Variants in C10orf53 observed in about 807,000 individuals in gnomAD.
The protein encoded by C10orf53 is UPF0728 protein C10orf53.
In C10orf53, 8 loss-of-function variants were observed where a neutral mutation model predicts 9.4. The ratio of observed to expected loss-of-function variants is 0.85; its 90% CI spans 0.50 to 1.53. The LOEUF (loss-of-function observed/expected upper bound fraction) is 1.53, where lower values mean the gene tolerates loss of function less well. Among genes scored for constraint, C10orf53 ranks in the 40% most tolerant of loss-of-function variants. The probability of loss-of-function intolerance (pLI) is 0.00; values close to 1 mark genes in which losing one functional copy is unlikely to be tolerated. For missense variants in C10orf53, 117 were observed against 117.8 expected (o/e 0.99, Z 0.03); for synonymous variants, 48 against 46.0 (o/e 1.04, Z -0.18).
At chr10:49,681,135 A>G (rs1490821970) in intron 1 of C10orf53, among the ~76,000 whole-genome samples, 2 of 152,198 alleles carry the variant, frequency 1.3e-5, no homozygotes, top group Non-Finnish European at 2.9e-5. Context: ...ACCTAGCCCC[A>G]TCATAAGTCA....
rs529374499 is a variant in C10orf53 at position 49,708,141 on chromosome 10, A to G, written c.218-220A>G. Among the ~76,000 whole-genome samples, 5 of 152,246 alleles carry G rather than the reference A, an allele frequency of 3.3e-5. No homozygotes were observed. The South Asian group carries it at 8.3e-4, about 25-fold the overall frequency. ...TTTCTCCAGCCCTGATTTCTTTGTT[A>G]CATGCTAGATCCCAAATCTCAATGG... On this transcript the variant is annotated intron_variant, in intron 2 of 2. Transcript: ENST00000374112.
At position 49,693,854 on chromosome 10, in the gene C10orf53, G is replaced by T. The variant is rs199814330; in HGVS notation, c.178G>T (p.Glu60Ter). 2 of 1,614,244 alleles carry T rather than the reference G, an allele frequency of 1.2e-6. No individual in the cohort carries two copies. Among genetic ancestry groups the T allele is most frequent in the African/African-American group, 1.3e-5 (1 of 75,070 alleles). The change falls in exon 2 of 3, where the codon GAA becomes TAA. Residue 60 changes from glutamate to a stop codon, truncating the protein, a stop_gained. Transcript: ENST00000374111. LOFTEE classifies it high-confidence loss of function. ...TGTGGTGGAACTCATGGTGAATGAA[G>T]AAGTCATCTTCCACTGCAACATTAA... ...WNVVELMVNE[E>*]VIFHCNIKDL...
chr10:49,686,217 T>C (rs1237101478), intron 1 of C10orf53, among the ~76,000 whole-genome samples: 1 of 152,204 alleles, frequency 6.6e-6, no homozygotes, highest in Non-Finnish European at 1.5e-5. Context: ...ATTGTGAAGA[T>C]TTCATGGACA....
chr10:49,681,302 C>G (rs2132872958), intron 1 of C10orf53, among the ~76,000 whole-genome samples: 1 of 152,246 alleles, frequency 6.6e-6, no homozygotes, highest in South Asian at 2.1e-4. Context: ...GATGAGAGCC[C>G]AGGAATGACC....
Position 49,694,355 on chromosome 10 carries a change from G to A in C10orf53, c.218-183G>A, listed in dbSNP as rs73303363. ...CTGGCCTGGCAGGCTGGCACTGTGCGTGCCTCTCTGTGCTCAGAAGTTAAA... is the reference window on the plus strand; with the variant it reads ...CTGGCCTGGCAGGCTGGCACTGTGCATGCCTCTCTGTGCTCAGAAGTTAAA... On this transcript the variant is annotated intron_variant, in intron 2 of 2. Transcript: ENST00000374111. The A allele has an allele frequency of 7.7e-3, 6,261 of 818,144 alleles. 277 individuals are homozygous for A. In the African/African-American group the frequency reaches 0.097, roughly 13 times the overall value. The allele number at this position is 818,144 out of a possible 1,614,324, so 50.7% of individuals were successfully genotyped here.
At chr10:49,703,407 C>G (rs1840698646) in intron 2 of C10orf53, among the ~76,000 whole-genome samples, 2 of 152,188 alleles carry the variant, frequency 1.3e-5, no homozygotes, top group African/African-American at 2.4e-5. Context: ...TTCTCAGAAG[C>G]CTCACATGAG....
downstream of C10orf53, among the ~76,000 whole-genome samples, chr10:49,698,701 A>C (rs1840656578): frequency 2.0e-5 from 3 of 152,162 alleles, no homozygotes; most frequent in Admixed American, 2.0e-4. Context: ...GAATATTGAA[A>C]ATGCTGGTGG....
intron 1 of C10orf53, among the ~76,000 whole-genome samples, chr10:49,682,790 C>T (rs181316568): frequency 6.3e-4 from 96 of 151,732 alleles, no homozygotes; most frequent in South Asian, 1.0e-3. Context: ...AGTCCCCACC[C>T]GACCCAGAAG....
intron 2 of C10orf53, among the ~76,000 whole-genome samples, chr10:49,707,920 A>C (rs1178606589): frequency 6.6e-6 from 1 of 151,962 alleles, no homozygotes; most frequent in Non-Finnish European, 1.5e-5. Flanking sequence ...TAACTGTCTT[A>C]AAGTTTTTCT....
chr10:49,708,567 G>T, exon 3 of C10orf53: 1 of 1,614,180 alleles, frequency 6.2e-7, no homozygotes, highest in Non-Finnish European at 8.5e-7. Flanking sequence ...GCCAGGCCTG[G>T]ATCACATGCT....
At chr10:49,706,909 G>A (rs142252162) in intron 2 of C10orf53, among the ~76,000 whole-genome samples, 244 of 152,306 alleles carry the variant, frequency 1.6e-3, no homozygotes, top group African/African-American at 5.7e-3. Context: ...ATACTCATTT[G>A]CACAAGCAAA....
Position 49,702,817 on chromosome 10 carries a change from C to T in C10orf53, c.218-5544C>T, listed in dbSNP as rs145748063. On this transcript the variant is annotated intron_variant, in intron 2 of 2. Coordinates refer to the C10orf53 transcript ENST00000374112. The stretch of plus-strand genomic sequence containing the variant: ...TAATACAGAAGTCAAGAGTTGAGGC[C>T]GCTCCTCAGTCCCAGAGACCCTGAC... Among the ~76,000 whole-genome samples the T allele has an allele frequency of 2.0e-3, 298 of 152,234 alleles. 1 individual carries two copies. Among genetic ancestry groups the T allele is most frequent in the African/African-American group, 6.6e-3 (274 of 41,540 alleles).
chr10:49,697,420 C>T lies in C10orf53; in HGVS notation c.*2818C>T, dbSNP rs760201699. Among the ~76,000 whole-genome samples, 26 of 152,304 alleles carry T rather than the reference C, an allele frequency of 1.7e-4. No individual in the cohort carries two copies. Among genetic ancestry groups the T allele is most frequent in the Non-Finnish European group, 3.2e-4 (22 of 68,038 alleles). On this transcript the variant is annotated 3_prime_UTR_variant, in exon 3 of 3. Coordinates refer to ENST00000374111, the MANE Select transcript of C10orf53 (RefSeq NM_001042427.3). ...CCTGTGCTTCAACGTGCTAGACATT[C>T]GGGCGCCTTCATGCTTTTAAAATAC...
chr10:49,687,344 TC>T (rs1273910222), intron 1 of C10orf53, among the ~76,000 whole-genome samples: 17 of 152,216 alleles, frequency 1.1e-4, no homozygotes, highest in Admixed American at 1.0e-3. Context: ...GGGGGGAAAC[TC>T]CCCATCTAGT....
downstream of C10orf53, among the ~76,000 whole-genome samples, chr10:49,702,031 G>A (rs1223048020): frequency 5.3e-5 from 8 of 152,120 alleles, no homozygotes; most frequent in African/African-American, 7.2e-5. Context: ...GTGAAACCCC[G>A]TCTCTACTAA....
At chr10:49,688,746 C>T (rs532788471) in intron 1 of C10orf53, among the ~76,000 whole-genome samples, 138 of 152,168 alleles carry the variant, frequency 9.1e-4, no homozygotes, top group Middle Eastern at 3.4e-3. Flanking sequence ...GCTTCACAGC[C>T]GCTCCGCCTG....
chr10:49,703,905 GACAA>G (rs1286343113), intron 2 of C10orf53, among the ~76,000 whole-genome samples: 5 of 152,244 alleles, frequency 3.3e-5, no homozygotes, highest in African/African-American at 4.8e-5. Context: ...TCTAAAAATT[GACAA>G]ACAGAGGAAT....
chr10:49,701,114 T>C (rs1468633578), downstream of C10orf53, among the ~76,000 whole-genome samples: 1 of 152,162 alleles, frequency 6.6e-6, no homozygotes, highest in Non-Finnish European at 1.5e-5. Flanking sequence ...TACAAAGCAA[T>C]ACAGGTACTC....
intron 1 of C10orf53, among the ~76,000 whole-genome samples, chr10:49,681,908 AG>A (rs1303737323): frequency 1.3e-5 from 2 of 152,134 alleles, no homozygotes; most frequent in African/African-American, 4.8e-5. Context: ...AGTTGGGGGA[AG>A]GGGGGCAACA....
Sources: gnomAD v4.1 joint callset for allele counts (sites outside exome capture counted in the v4.1 genomes callset) on GRCh38, gnomAD v4.1.1 for gene constraint, MANE v1.5 for transcripts, NCBI Gene and HGNC (gene_info 2026-07-23, HGNC 2026-07-21) for gene names.